RBFOX1: variants seen among roughly 807,000 people sequenced by gnomAD.
The protein encoded by RBFOX1 is RNA binding protein fox-1 homolog 1.
A neutral mutation model predicts 57.7 loss-of-function variants in RBFOX1; 8 were observed. That is an observed-to-expected ratio of 0.14 (90% CI 0.08 to 0.25). The LOEUF is 0.25. RBFOX1 is among the 10% of genes least tolerant of loss of function. The pLI is 1.00. For missense variants in RBFOX1, 611 were observed against 548.5 expected, an observed-to-expected ratio of 1.11 and a Z score of -1.14; for synonymous variants, 326 against 222.4, an observed-to-expected ratio of 1.47 and a Z score of -4.15.
At chr16:7,503,654 G>A (rs945013332) in intron 4 of RBFOX1, among the ~76,000 whole-genome samples, 2 of 152,194 alleles carry the variant, frequency 1.3e-5, no homozygotes, top group Non-Finnish European at 2.9e-5. Context: ...AAAGGAGATG[G>A]ATTATGAAAG....
chr16:6,310,179 C>G (rs572273764), intron 1 of RBFOX1, among the ~76,000 whole-genome samples: 47 of 152,288 alleles, frequency 3.1e-4, no homozygotes, highest in African/African-American at 1.1e-3. Context: ...AGCCACCACA[C>G]CCAGCCGCTT....
intron 2 of RBFOX1, among the ~76,000 whole-genome samples, chr16:6,542,756 T>C (rs1432959327): frequency 3.3e-5 from 5 of 151,996 alleles, no homozygotes; most frequent in African/African-American, 4.8e-5. Context: ...CCCCCAGAAG[T>C]GCTGGGATTA....
intron 3 of RBFOX1, among the ~76,000 whole-genome samples, chr16:6,985,596 G>C (rs1020640836): frequency 6.6e-6 from 1 of 152,186 alleles, no homozygotes; most frequent in Non-Finnish European, 1.5e-5. Flanking sequence ...GGGAGGCCAA[G>C]GTGGGTGGAT....
intron 3 of RBFOX1, among the ~76,000 whole-genome samples, chr16:5,801,029 C>G (rs906014567): frequency 6.6e-6 from 1 of 152,122 alleles, no homozygotes. Context: ...CCCAGGAGCC[C>G]TCTGATCACA....
intron 2 of RBFOX1, among the ~76,000 whole-genome samples, chr16:6,527,057 T>G (rs1189104829): frequency 6.6e-6 from 1 of 152,102 alleles, no homozygotes; most frequent in Non-Finnish European, 1.5e-5. Flanking sequence ...CAAAAGAATT[T>G]GACTATATTT....
At chr16:7,454,155 C>T (rs1319861468) in intron 4 of RBFOX1, among the ~76,000 whole-genome samples, 1 of 152,192 alleles carries the variant, frequency 6.6e-6, no homozygotes, top group East Asian at 1.9e-4. Context: ...ATCGCTTGAA[C>T]TCAGGAGGCT....
intron 3 of RBFOX1, among the ~76,000 whole-genome samples, chr16:5,660,467 T>C (rs1183525692): frequency 6.6e-6 from 1 of 152,188 alleles, no homozygotes; most frequent in Non-Finnish European, 1.5e-5. Context: ...GATTTCGTTA[T>C]CAATGCAATG....
chr16:5,734,844 G>A (rs2052515010), intron 3 of RBFOX1, among the ~76,000 whole-genome samples: 1 of 152,156 alleles, frequency 6.6e-6, no homozygotes, highest in Non-Finnish European at 1.5e-5. Flanking sequence ...TTTAAGAAAG[G>A]TCACTGCAAG....
At chr16:6,725,303 G>C (rs924522975) in intron 3 of RBFOX1, among the ~76,000 whole-genome samples, 1 of 151,858 alleles carries the variant, frequency 6.6e-6, no homozygotes, top group Non-Finnish European at 1.5e-5. Context: ...CACCCACCTC[G>C]GCCTCCCAAA....
At chr16:6,907,049 A>T (rs1307647479) in intron 3 of RBFOX1, among the ~76,000 whole-genome samples, 1 of 151,300 alleles carries the variant, frequency 6.6e-6, no homozygotes, top group East Asian at 1.9e-4. Context: ...AAAACATAAT[A>T]ATTGTTTATG....
intron 5 of RBFOX1, among the ~76,000 whole-genome samples, chr16:7,562,641 T>A (rs1473798310): frequency 6.6e-6 from 1 of 152,160 alleles, no homozygotes; most frequent in Non-Finnish European, 1.5e-5. Flanking sequence ...GCACTTCTCA[T>A]CACCAGGATG....
intron 2 of RBFOX1, among the ~76,000 whole-genome samples, chr16:6,444,566 T>C (rs1460161006): frequency 6.6e-6 from 1 of 152,190 alleles, no homozygotes; most frequent in East Asian, 1.9e-4. Flanking sequence ...ACGTGACTTA[T>C]TCCTCTTTGC....
intron 2 of RBFOX1, among the ~76,000 whole-genome samples, chr16:6,339,594 T>A (rs943457642): frequency 6.6e-6 from 1 of 152,216 alleles, no homozygotes; most frequent in African/African-American, 2.4e-5. Flanking sequence ...CTGGTTGGCA[T>A]CAGCTGTTTC....
chr16:7,495,096 C>T (rs758000524), intron 4 of RBFOX1, among the ~76,000 whole-genome samples: 1 of 152,104 alleles, frequency 6.6e-6, no homozygotes, highest in East Asian at 1.9e-4. Context: ...TGCATTAATT[C>T]AGTTAAGATA....
chr16:6,697,473 A>G (rs969656493), intron 3 of RBFOX1, among the ~76,000 whole-genome samples: 1 of 152,208 alleles, frequency 6.6e-6, no homozygotes, highest in Non-Finnish European at 1.5e-5. Flanking sequence ...GGAATTAAGG[A>G]ATCCAAAAAC....
rs548727796 is a variant in RBFOX1, at chr16:7,338,559, A to T, written c.28-179588A>T. ...ATGTACCACTATGCTCAGCTTTTTT[A>T]AAAAAAATTCTTTTGTAGAGATGAG... On this transcript the variant is annotated intron_variant, in intron 4 of 15. Transcript: ENST00000550418. 8.0e-4 allele frequency among the ~76,000 whole-genome samples: 121 copies of T among 152,054 alleles called. 1 individual carries two copies. Among genetic ancestry groups the T allele is most frequent in the African/African-American group, 2.7e-3 (114 of 41,464 alleles).
At chr16:5,916,260 A>G (rs781295539) in intron 4 of RBFOX1, among the ~76,000 whole-genome samples, 2 of 152,176 alleles carry the variant, frequency 1.3e-5, no homozygotes, top group African/African-American at 2.4e-5. Flanking sequence ...AGCTTTATCC[A>G]TAACAGCTCT....
At chr16:5,908,301 TACACACATATATACAC>T (rs1394514363) in intron 4 of RBFOX1, among the ~76,000 whole-genome samples, 2 of 143,758 alleles carry the variant, frequency 1.4e-5, no homozygotes, top group Admixed American at 7.0e-5. Context: ...CATATATATA[TACACACATATATACAC>T]ACACACATAT....
rs545018784 is a variant in RBFOX1 at position 5,244,817 on chromosome 16, A to G, written c.219+4712A>G. 3.9e-5 allele frequency among the ~76,000 whole-genome samples: 6 copies of G among 152,320 alleles called. No homozygotes were observed. The South Asian group carries it at 1.0e-3, about 26-fold the overall frequency. ...TGAGAAGGAAGAAGACACGGAGCAC[A>G]TTCCTGTTAGCTATGACAGAGAGGG... On this transcript the variant is annotated intron_variant, in intron 1 of 2. Transcript: ENST00000585867.
Sources: gnomAD v4.1 joint callset for allele counts (sites outside exome capture counted in the v4.1 genomes callset) on GRCh38, gnomAD v4.1.1 for gene constraint, MANE v1.5 for transcripts, NCBI Gene and HGNC (gene_info 2026-07-23, HGNC 2026-07-21) for gene names.